The following GLG1 variants were observed in gnomAD, a reference collection of about 807,000 sequenced individuals.
GLG1 encodes the protein golgi glycoprotein 1, also known as Golgi apparatus protein 1.
A neutral mutation model predicts 160.5 loss-of-function variants in GLG1; 38 were observed. That is an observed-to-expected ratio of 0.24 (90% confidence interval 0.18 to 0.31). The LOEUF (loss-of-function observed/expected upper bound fraction) is 0.31, where lower values mean the gene tolerates loss of function less well. Among genes scored for constraint, GLG1 ranks in the 10% least tolerant of loss-of-function variants. GLG1 has a pLI of 1.00. For synonymous variants in GLG1, 644 were observed against 543.4 expected, an observed-to-expected ratio of 1.19 and a Z score of -2.57; for missense variants, 1,373 against 1,505.2, an observed-to-expected ratio of 0.91 and a Z score of 1.45.
At position 74,514,083 on chromosome 16, in the gene GLG1, T is replaced by C. The variant is rs1344230369; in HGVS notation, c.472-5158A>G. Among the ~76,000 whole-genome samples, 3 of 151,966 alleles carry C rather than the reference T, an allele frequency of 2.0e-5. No homozygotes were observed. In the East Asian group the frequency reaches 5.8e-4, roughly 29 times the overall value. On this transcript the variant is annotated intron_variant, in intron 2 of 25. Coordinates refer to ENST00000422840, the MANE Select transcript of GLG1 (RefSeq NM_001145667.2). ...ATGAAATAAAGCCAGAAGACAAGAT[T>C]AGATAAAAAAAGAGTGAAAAGAAAC...
intron 1 of GLG1, among the ~76,000 whole-genome samples, chr16:74,562,835 C>G (rs2018546437): frequency 6.6e-6 from 1 of 152,166 alleles, no homozygotes; most frequent in Non-Finnish European, 1.5e-5. Context: ...AATCTAGAAC[C>G]TGGAGGTTGG....
intron 2 of GLG1, among the ~76,000 whole-genome samples, chr16:74,525,482 T>C (rs1389100590): frequency 2.6e-5 from 4 of 151,934 alleles, no homozygotes; most frequent in Admixed American, 6.6e-5. Flanking sequence ...TTTGTAGAGA[T>C]AGGGGGTCTC....
chr16:74,494,922 C>A, intron 5 of GLG1, 91 bp from the exon 6 acceptor site: 1 of 671,900 alleles, frequency 1.5e-6, no homozygotes, highest in East Asian at 2.7e-5. Flanking sequence ...TTCTATTAAA[C>A]GATTATAATC....
intron 12 of GLG1, 116 bp downstream of exon 12, chr16:74,477,280 C>A: frequency 2.3e-6 from 2 of 852,962 alleles, no homozygotes; most frequent in East Asian, 2.5e-5. Flanking sequence ...AACAATACAA[C>A]AAATCACATC....
chr16:74,546,837 C>CAAAAAAAA (rs71376218), intron 1 of GLG1, among the ~76,000 whole-genome samples: 13,885 of 58,820 alleles, frequency 0.24, 3,367 homozygotes, highest in African/African-American at 0.32. Flanking sequence ...GACTCCATCT[C>CAAAAAAAA]AAAAAAAAAA....
intron 7 of GLG1, 35 bp downstream of exon 7, chr16:74,492,922 A>G (rs889766468): frequency 1.4e-6 from 2 of 1,381,458 alleles, no homozygotes; most frequent in Admixed American, 2.3e-5. Flanking sequence ...AAAAAGGAAC[A>G]GAAATGATAA....
chr16:74,456,236 G>T (rs2014532739), intron 25 of GLG1, among the ~76,000 whole-genome samples: 1 of 152,180 alleles, frequency 6.6e-6, no homozygotes, highest in Non-Finnish European at 1.5e-5. Context: ...GAGAAAGGAG[G>T]GCCCTGGCAA....
intron 2 of GLG1, among the ~76,000 whole-genome samples, chr16:74,521,172 C>G (rs2143554615): frequency 6.6e-6 from 1 of 152,256 alleles, no homozygotes; most frequent in African/African-American, 2.4e-5. Context: ...AAGGAGGACA[C>G]TGTGGCTTAA....
chr16:74,468,823 A>G (rs942976536), intron 17 of GLG1, 123 bp downstream of exon 17: 6 of 678,232 alleles, frequency 8.8e-6, no homozygotes, highest in Admixed American at 4.6e-5. Flanking sequence ...ACTTTTGCAC[A>G]GGACTTCAAG....
chr16:74,601,910 C>A (rs1597389519), intron 1 of GLG1, among the ~76,000 whole-genome samples: 1 of 152,146 alleles, frequency 6.6e-6, no homozygotes, highest in African/African-American at 2.4e-5. Context: ...ACCAGCTCTA[C>A]CACTTAGGAT....
chr16:74,550,958 T>A (rs1303599035), intron 1 of GLG1, among the ~76,000 whole-genome samples: 1 of 152,174 alleles, frequency 6.6e-6, no homozygotes, highest in Non-Finnish European at 1.5e-5. Context: ...GCCTATCAAA[T>A]AAGCTGATCT....
chr16:74,512,410 T>A (rs573343003), intron 2 of GLG1, among the ~76,000 whole-genome samples: 51 of 151,964 alleles, frequency 3.4e-4, no homozygotes, highest in African/African-American at 1.2e-3. Context: ...ATTACAGGTG[T>A]GCGCCACCAC....
intron 2 of GLG1, among the ~76,000 whole-genome samples, chr16:74,525,405 C>A (rs1045539429): frequency 1.3e-5 from 2 of 152,114 alleles, no homozygotes; most frequent in Non-Finnish European, 2.9e-5. Context: ...GAGACAGGGT[C>A]TCACTATGTT....
At chr16:74,590,045 G>T (rs1958138104) in intron 1 of GLG1, among the ~76,000 whole-genome samples, 1 of 152,000 alleles carries the variant, frequency 6.6e-6, no homozygotes, top group Non-Finnish European at 1.5e-5. Flanking sequence ...CTGTAGCCCA[G>T]GCTGGATGGA....
intron 5 of GLG1, among the ~76,000 whole-genome samples, chr16:74,495,417 G>A (rs1214825080): frequency 6.6e-6 from 1 of 152,162 alleles, no homozygotes; most frequent in African/African-American, 2.4e-5. Context: ...CCCAGCCTCT[G>A]AGTCTTCTTT....
intron 1 of GLG1, among the ~76,000 whole-genome samples, chr16:74,553,800 C>T (rs1222511891): frequency 6.6e-6 from 1 of 152,110 alleles, no homozygotes; most frequent in Non-Finnish European, 1.5e-5. Context: ...ATAGTATAGA[C>T]TTCATAGCAG....
intron 23 of GLG1, among the ~76,000 whole-genome samples, chr16:74,458,537 G>T (rs2014654023): frequency 6.6e-6 from 1 of 152,018 alleles, no homozygotes; most frequent in Non-Finnish European, 1.5e-5. Context: ...AAATTAGCTG[G>T]GCATAATCGT....
At chr16:74,459,395 G>A (rs1453553622) in intron 23 of GLG1, among the ~76,000 whole-genome samples, 1 of 152,114 alleles carries the variant, frequency 6.6e-6, no homozygotes, top group Non-Finnish European at 1.5e-5. Context: ...GGAGAATGGC[G>A]TGAACCCGGG....
At chr16:74,599,199 C>T (rs1332939773) in intron 1 of GLG1, among the ~76,000 whole-genome samples, 1 of 149,962 alleles carries the variant, frequency 6.7e-6, no homozygotes, top group Non-Finnish European at 1.5e-5. Context: ...GGGATAAAAA[C>T]ATCCCATTTC....
Sources: allele counts gnomAD v4.1 joint callset (sites outside exome capture counted in the v4.1 genomes callset), GRCh38; gene constraint gnomAD v4.1.1; transcripts MANE v1.5; gene names NCBI Gene and HGNC (gene_info 2026-07-23, HGNC 2026-07-21).